Variants in TENM3 observed in about 807,000 individuals in gnomAD.
TENM3 encodes the protein teneurin transmembrane protein 3.
TENM3 carries 63 observed loss-of-function variants against 255.1 expected under a neutral mutation model. The ratio of observed to expected loss-of-function variants is 0.25; its 90% confidence interval spans 0.20 to 0.30. TENM3 has a LOEUF of 0.30. TENM3 is among the 10% of genes least tolerant of loss of function. The pLI, the probability that TENM3 is intolerant of heterozygous loss-of-function variation, is 1.00. For missense variants in TENM3, 2,929 were observed against 3,461.1 expected (o/e 0.85, Z 3.86); for synonymous variants, 1,306 against 1,322.3 (o/e 0.99, Z 0.27).
the TENM3 span, among the ~76,000 whole-genome samples, chr4:181,841,434 TCA>T: frequency 1.1e-3 from 170 of 152,220 alleles, no homozygotes; most frequent in Middle Eastern, 6.8e-3. Flanking sequence ...TCAGAATCTC[TCA>T]TAGTAATGCC....
chr4:182,689,812 A>G (rs1470426599), intron 12 of TENM3, among the ~76,000 whole-genome samples: 1 of 152,232 alleles, frequency 6.6e-6, no homozygotes, highest in African/African-American at 2.4e-5. Context: ...ATGAGGCCCA[A>G]CACAAATTCA....
At chr4:182,652,483 C>T (rs77900134) in intron 5 of TENM3, among the ~76,000 whole-genome samples, 7,864 of 152,276 alleles carry the variant, frequency 0.052, 303 homozygotes, top group East Asian at 0.2. Context: ...TTCTGGCCTA[C>T]ACCTTCTCAC....
the TENM3 span, among the ~76,000 whole-genome samples, chr4:181,834,174 G>A: frequency 6.6e-6 from 1 of 150,670 alleles, no homozygotes; most frequent in Non-Finnish European, 1.5e-5. Flanking sequence ...CATAGCATTT[G>A]TCCCTATTGC....
chr4:181,745,895 G>A, the TENM3 span, among the ~76,000 whole-genome samples: 1 of 152,226 alleles, frequency 6.6e-6, no homozygotes, highest in South Asian at 2.1e-4. Context: ...AGGACATTGA[G>A]CTGTGCACAT....
chr4:182,449,614 G>T (rs1050993676), intron 3 of TENM3, among the ~76,000 whole-genome samples: 2 of 152,142 alleles, frequency 1.3e-5, no homozygotes, highest in Non-Finnish European at 2.9e-5. Context: ...GCAAAAATCG[G>T]CATTGAGCTT....
intron 3 of TENM3, among the ~76,000 whole-genome samples, chr4:182,490,844 T>C (rs1735232452): frequency 6.6e-6 from 1 of 152,204 alleles, no homozygotes; most frequent in South Asian, 2.1e-4. Flanking sequence ...ACTTGTCATT[T>C]CATGACCTCT....
the TENM3 span, among the ~76,000 whole-genome samples, chr4:181,899,454 G>A: frequency 6.6e-6 from 1 of 152,134 alleles, no homozygotes; most frequent in Non-Finnish European, 1.5e-5. Flanking sequence ...ACAAAAAAGT[G>A]AAAGAAAACC....
chr4:181,860,675 T>C, the TENM3 span, among the ~76,000 whole-genome samples: 2 of 152,234 alleles, frequency 1.3e-5, no homozygotes, highest in African/African-American at 2.4e-5. Context: ...GTGCAATGTG[T>C]GTAAAATTTT....
intron 3 of TENM3, among the ~76,000 whole-genome samples, chr4:182,398,808 G>A (rs1769030286): frequency 1.3e-5 from 2 of 152,182 alleles, no homozygotes; most frequent in Admixed American, 6.5e-5. Context: ...AAAACATTTG[G>A]TAAGGTCTTT....
intron 1 of TENM3, among the ~76,000 whole-genome samples, chr4:182,161,613 GTATATATATATACAAATATA>G (rs1751197776): frequency 2.0e-5 from 2 of 100,062 alleles, no homozygotes; most frequent in Non-Finnish European, 3.8e-5. Context: ...ATATATATAT[GTATATATATATACAAATATA>G]TATATGTATA....
intron 4 of TENM3, among the ~76,000 whole-genome samples, 184 bp from the exon 5 acceptor site, chr4:182,628,467 T>A (rs1487915395): frequency 3.9e-5 from 6 of 152,176 alleles, no homozygotes; most frequent in Admixed American, 3.9e-4. Context: ...AGAGTCATTA[T>A]TGTGAGTTAG....
At chr4:181,888,991 A>C in the TENM3 span, among the ~76,000 whole-genome samples, 16 of 152,080 alleles carry the variant, frequency 1.1e-4, no homozygotes, top group African/African-American at 3.9e-4. Context: ...CTCTTCCAGA[A>C]ACATCCCCTC....
chr4:181,585,745 G>T, the TENM3 span, among the ~76,000 whole-genome samples: 1 of 152,036 alleles, frequency 6.6e-6, no homozygotes, highest in East Asian at 1.9e-4. Context: ...CATATATTTG[G>T]CCTCTATAAT....
At chr4:182,136,369 T>C in the TENM3 span, among the ~76,000 whole-genome samples, 27 of 152,228 alleles carry the variant, frequency 1.8e-4, no homozygotes, top group African/African-American at 6.3e-4. Flanking sequence ...GTTGTTCTTT[T>C]TTCAAGCAGT....
upstream of TENM3, among the ~76,000 whole-genome samples, chr4:182,240,465 G>C (rs1052048785): frequency 3.9e-5 from 6 of 152,170 alleles, no homozygotes; most frequent in African/African-American, 1.4e-4. Flanking sequence ...TCCCCTGTTA[G>C]GCTCCTCAGA....
At chr4:182,026,640 TG>T in the TENM3 span, among the ~76,000 whole-genome samples, 1 of 152,176 alleles carries the variant, frequency 6.6e-6, no homozygotes, top group Non-Finnish European at 1.5e-5. Flanking sequence ...TTTTTGTATA[TG>T]GTGAGAGAGA....
chr4:182,717,759 C>T (rs990520591), intron 13 of TENM3, among the ~76,000 whole-genome samples: 5 of 152,216 alleles, frequency 3.3e-5, no homozygotes, highest in Admixed American at 6.5e-5. Context: ...CAAATGATCA[C>T]CAGTACTTCA....
the TENM3 span, among the ~76,000 whole-genome samples, chr4:181,841,908 T>C: frequency 1.3e-5 from 2 of 152,300 alleles, no homozygotes; most frequent in African/African-American, 4.8e-5. Context: ...CTATTAACTG[T>C]TGAAACCGAT....
intron 1 of TENM3, among the ~76,000 whole-genome samples, chr4:182,160,463 A>G (rs942594643): frequency 3.9e-5 from 6 of 152,232 alleles, no homozygotes; most frequent in Admixed American, 6.5e-5. Context: ...TTTACCATGT[A>G]TTGATTTATT....
Sources: gnomAD v4.1 joint callset for allele counts (sites outside exome capture counted in the v4.1 genomes callset) on GRCh38, gnomAD v4.1.1 for gene constraint, MANE v1.5 for transcripts, NCBI Gene and HGNC (gene_info 2026-07-23, HGNC 2026-07-21) for gene names.